HPSE2: variants seen among roughly 807,000 people sequenced by gnomAD.
HPSE2 encodes inactive heparanase-2.
A neutral mutation model predicts 60.5 loss-of-function variants in HPSE2; 38 were observed. That is an observed-to-expected ratio of 0.63 (90% CI 0.48 to 0.82). The LOEUF is 0.82. HPSE2 is among the 40% of genes least tolerant of loss of function. The probability of loss-of-function intolerance (pLI) is 0.00; values close to 1 mark genes in which losing one functional copy is unlikely to be tolerated. For missense variants in HPSE2, 713 were observed against 740.4 expected (o/e 0.96, Z 0.43); for synonymous variants, 295 against 293.2 (o/e 1.01, Z -0.06).
At chr10:99,135,748 G>A (rs1226347682) in intron 3 of HPSE2, among the ~76,000 whole-genome samples, 1 of 151,668 alleles carries the variant, frequency 6.6e-6, no homozygotes, top group East Asian at 1.9e-4. Context: ...AGAGAAAGCA[G>A]GAAAGATAAA....
chr10:98,836,559 T>C (rs1010518810), intron 3 of HPSE2, among the ~76,000 whole-genome samples: 1 of 152,226 alleles, frequency 6.6e-6, no homozygotes, highest in Admixed American at 6.5e-5. Context: ...TATGCAGTTA[T>C]GGAATCTGTC....
intron 3 of HPSE2, among the ~76,000 whole-genome samples, chr10:98,754,278 C>T (rs1023457246): frequency 1.3e-5 from 2 of 152,044 alleles, no homozygotes; most frequent in Non-Finnish European, 2.9e-5. Context: ...AAGGCTAGTT[C>T]TTTGAATCAA....
At chr10:98,503,713 G>A (rs1942103122) in intron 9 of HPSE2, among the ~76,000 whole-genome samples, 1 of 152,186 alleles carries the variant, frequency 6.6e-6, no homozygotes, top group African/African-American at 2.4e-5. Flanking sequence ...GGCATTTGCA[G>A]TGACCTGGTT....
At position 99,235,651 on chromosome 10, in the gene HPSE2, C is replaced by CT. The variant is rs1564913882; in HGVS notation, c.151dup (p.Arg51LysfsTer14). On this transcript the variant is annotated frameshift_variant, in exon 1 of 12. Transcript: ENST00000370552. LOFTEE classifies it high-confidence loss of function. The stretch of plus-strand genomic sequence containing the variant: ...GGTCTTTTCCTTCAAACCTGCAGCT[C>CT]TGTCTACAGGCAAGGGTCTCCTGTC... 1.2e-6 allele frequency: 2 copies of CT among 1,614,002 alleles called. No individual in the cohort carries two copies. Among genetic ancestry groups the CT allele is most frequent in the Non-Finnish European group, 1.7e-6 (2 of 1,180,018 alleles).
At chr10:98,516,399 T>C (rs1942603336) in intron 9 of HPSE2, among the ~76,000 whole-genome samples, 1 of 152,180 alleles carries the variant, frequency 6.6e-6, no homozygotes, top group Non-Finnish European at 1.5e-5. Flanking sequence ...TGTAGCTAAA[T>C]CTCCCTATTG....
At chr10:99,287,897 T>G in the HPSE2 span, among the ~76,000 whole-genome samples, 1 of 152,182 alleles carries the variant, frequency 6.6e-6, no homozygotes, top group Non-Finnish European at 1.5e-5. Flanking sequence ...TAGGGGATCC[T>G]AAACCCAAGT....
At chr10:99,314,437 A>G in the HPSE2 span, among the ~76,000 whole-genome samples, 2 of 152,344 alleles carry the variant, frequency 1.3e-5, no homozygotes, top group East Asian at 3.9e-4. Context: ...TGCTGGGATT[A>G]AAGGCATAAG....
intron 3 of HPSE2, among the ~76,000 whole-genome samples, chr10:98,832,117 C>T (rs1951696877): frequency 6.6e-6 from 1 of 152,160 alleles, no homozygotes; most frequent in Non-Finnish European, 1.5e-5. Context: ...GGTCTGGGTT[C>T]AATATCTAAC....
At chr10:98,838,034 GAA>G (rs1951831450) in intron 3 of HPSE2, among the ~76,000 whole-genome samples, 1 of 152,118 alleles carries the variant, frequency 6.6e-6, no homozygotes, top group Non-Finnish European at 1.5e-5. Context: ...GAAATATTTA[GAA>G]AAGTATATGA....
chr10:99,116,535 A>C (rs1844698623), intron 3 of HPSE2, among the ~76,000 whole-genome samples: 3 of 152,220 alleles, frequency 2.0e-5, no homozygotes, highest in Admixed American at 2.0e-4. Flanking sequence ...GATTTCTAAC[A>C]CTGACAATTA....
chr10:99,258,404 TATATAC>T, the HPSE2 span, among the ~76,000 whole-genome samples: 2 of 152,002 alleles, frequency 1.3e-5, no homozygotes, highest in East Asian at 3.9e-4. Flanking sequence ...TATATATATA[TATATAC>T]TTTGACCCTA....
intron 3 of HPSE2, among the ~76,000 whole-genome samples, chr10:99,022,492 G>A (rs1250845435): frequency 6.6e-6 from 1 of 152,092 alleles, no homozygotes; most frequent in East Asian, 1.9e-4. Flanking sequence ...GAGGGGGCAT[G>A]TGACATACTG....
At chr10:99,111,521 A>G (rs999571468) in intron 3 of HPSE2, among the ~76,000 whole-genome samples, 7 of 152,220 alleles carry the variant, frequency 4.6e-5, no homozygotes, top group African/African-American at 1.7e-4. Context: ...ATGAAGAAAA[A>G]GAACAAGAAG....
chr10:98,994,636 G>A (rs1312684627), intron 3 of HPSE2, among the ~76,000 whole-genome samples: 8 of 152,194 alleles, frequency 5.3e-5, no homozygotes, highest in Non-Finnish European at 7.3e-5. Flanking sequence ...AGCCATGTCA[G>A]CCCAAACTCA....
At chr10:98,518,550 G>A (rs10736132) in intron 9 of HPSE2, among the ~76,000 whole-genome samples, 116,165 of 151,748 alleles carry the variant, frequency 0.77, 49,204 homozygotes, top group East Asian at 0.96. Context: ...TACTAAAAAT[G>A]AAAAAAAATT....
chr10:99,123,931 C>T (rs1340334752), intron 3 of HPSE2, among the ~76,000 whole-genome samples: 1 of 152,114 alleles, frequency 6.6e-6, no homozygotes, highest in South Asian at 2.1e-4. Flanking sequence ...TAGCTCCTAT[C>T]TGCAGACAAG....
the HPSE2 span, among the ~76,000 whole-genome samples, chr10:99,282,231 C>A: frequency 6.6e-6 from 1 of 151,946 alleles, no homozygotes; most frequent in African/African-American, 2.4e-5. Context: ...TGCACTCCAG[C>A]CTGGGCAACA....
intron 3 of HPSE2, among the ~76,000 whole-genome samples, chr10:99,016,648 C>A (rs996599613): frequency 6.6e-6 from 1 of 152,124 alleles, no homozygotes; most frequent in African/African-American, 2.4e-5. Context: ...CATATTGATT[C>A]TTCCTATCCA....
chr10:98,538,459 T>C (rs1444281635), intron 9 of HPSE2, among the ~76,000 whole-genome samples: 5 of 152,178 alleles, frequency 3.3e-5, no homozygotes, highest in Admixed American at 3.3e-4. Flanking sequence ...CACTAGTTTC[T>C]TGAAGCAGCT....
Sources: allele counts gnomAD v4.1 joint callset (sites outside exome capture counted in the v4.1 genomes callset), GRCh38; gene constraint gnomAD v4.1.1; transcripts MANE v1.5; gene names NCBI Gene and HGNC (gene_info 2026-07-23, HGNC 2026-07-21).